The following USP25 variants were observed in gnomAD, a reference collection of about 807,000 sequenced individuals.
USP25 encodes the protein ubiquitin carboxyl-terminal hydrolase 25.
Under a neutral mutation model 158.5 loss-of-function variants are expected in USP25, and 85 were observed. The observed-to-expected ratio is 0.54, with a 90% confidence interval of 0.45 to 0.64. USP25 has a LOEUF of 0.64. Among genes scored for constraint, USP25 ranks in the 30% least tolerant of loss-of-function variants. The probability of loss-of-function intolerance (pLI) is 0.00; values close to 1 mark genes in which losing one functional copy is unlikely to be tolerated. For missense variants in USP25, 1,242 were observed against 1,327.3 expected, an observed-to-expected ratio of 0.94 and a Z score of 1.00; for synonymous variants, 464 against 460.4, an observed-to-expected ratio of 1.01 and a Z score of -0.10.
chr21:15,783,926 C>T (rs992476563), intron 4 of USP25, among the ~76,000 whole-genome samples: 1 of 151,844 alleles, frequency 6.6e-6, no homozygotes, highest in Non-Finnish European at 1.5e-5. Context: ...GCCGAGATCG[C>T]GCCACTGCAC....
chr21:15,789,590 A>G (rs1600918423), intron 4 of USP25, among the ~76,000 whole-genome samples: 3 of 152,146 alleles, frequency 2.0e-5, no homozygotes, highest in Admixed American at 6.5e-5. Flanking sequence ...CTCTTTTTAC[A>G]TATTGTCTGT....
chr21:15,862,913 T>C lies in USP25; in HGVS notation c.2548-1355T>C, dbSNP rs143164557. Among the ~76,000 whole-genome samples the C allele has an allele frequency of 3.9e-3, 589 of 152,124 alleles. 4 individuals are homozygous for C. The highest frequency in any genetic ancestry group is 6.5e-3 in the Non-Finnish European group (439 of 67,930). ...ATTTCATTTAATGTTTATCAGTTAT[T>C]TTTTCTCCCATCTGTACAATACAAC... On this transcript the variant is annotated intron_variant, in intron 20 of 25. Transcript: ENST00000400183.
In USP25 at chr21:15,846,139, TATATATATATATATA is replaced by T. The variant is rs1448557810; in HGVS notation, c.2338-1523_2338-1509del. Among the ~76,000 whole-genome samples, 31 of 57,402 alleles carry T rather than the reference TATATATATATATATA, an allele frequency of 5.4e-4. 3 individuals are homozygous for T. Among genetic ancestry groups the T allele is most frequent in the African/African-American group, 2.5e-3 (29 of 11,460 alleles). The allele number at this position is 57,402 out of a possible 152,430, so 37.7% of individuals were successfully genotyped here. On this transcript the variant is annotated intron_variant, in intron 18 of 25. Coordinates refer to ENST00000400183, the MANE Select transcript of USP25 (RefSeq NM_001283041.3). ...GTGTGTGTGTATATATATATATATA[TATATATATATATATA>T]TATATTTTTTTTTTTTTTTTTTTTT... is the stretch of plus-strand genomic sequence containing the variant.
At chr21:15,833,257 T>C (rs1460272410) in intron 16 of USP25, 91 bp from the exon 17 acceptor site, 1 of 1,228,794 alleles carries the variant, frequency 8.1e-7, no homozygotes, top group African/African-American at 1.5e-5. Flanking sequence ...AATTCATAGT[T>C]TAAATTCTAT....
At chr21:15,863,092 A>G (rs936471972) in intron 20 of USP25, among the ~76,000 whole-genome samples, 1 of 152,058 alleles carries the variant, frequency 6.6e-6, no homozygotes, top group Admixed American at 6.5e-5. Flanking sequence ...ACATATAAGT[A>G]TAATATAAAT....
chr21:15,734,595 A>G (rs1331446022), intron 1 of USP25, among the ~76,000 whole-genome samples: 2 of 152,150 alleles, frequency 1.3e-5, no homozygotes, highest in East Asian at 3.8e-4. Context: ...TTTCTTCAAT[A>G]TTATATGTAT....
chr21:15,823,988 A>C, intron 10 of USP25, 51 bp from the exon 11 acceptor site: 2 of 1,562,468 alleles, frequency 1.3e-6, no homozygotes, highest in Non-Finnish European at 1.7e-6. Flanking sequence ...ATTGCAGTGA[A>C]GAAAACAAAG....
intron 1 of USP25, among the ~76,000 whole-genome samples, chr21:15,750,858 C>T (rs955544831): frequency 4.5e-5 from 5 of 110,900 alleles, no homozygotes; most frequent in African/African-American, 7.0e-5. Context: ...CGTCTGCCTC[C>T]GCCTCCGCCT....
chr21:15,811,082 T>C, intron 8 of USP25, 55 bp from the exon 9 acceptor site: 1 of 1,455,308 alleles, frequency 6.9e-7, no homozygotes, highest in Non-Finnish European at 9.4e-7. Context: ...TAATATTTTC[T>C]CTATTTATAG....
chr21:15,745,476 T>TC (rs1402581077), intron 1 of USP25, among the ~76,000 whole-genome samples: 1 of 139,884 alleles, frequency 7.1e-6, no homozygotes, highest in Non-Finnish European at 1.5e-5. Context: ...TTCTTTTCTT[T>TC]TTTTTTTTTT....
intron 10 of USP25, among the ~76,000 whole-genome samples, chr21:15,820,457 C>T (rs956925902): frequency 7.3e-5 from 11 of 151,178 alleles, no homozygotes; most frequent in African/African-American, 2.5e-4. Flanking sequence ...TTCATCTAGC[C>T]TAGGGAATAT....
intron 4 of USP25, among the ~76,000 whole-genome samples, chr21:15,790,582 A>G (rs915073710): frequency 2.0e-5 from 3 of 151,906 alleles, no homozygotes; most frequent in African/African-American, 7.2e-5. Flanking sequence ...GGTTCTGGTA[A>G]TTAACACAAA....
intron 1 of USP25, among the ~76,000 whole-genome samples, chr21:15,756,485 C>T (rs927516948): frequency 3.3e-5 from 5 of 152,044 alleles, no homozygotes; most frequent in African/African-American, 1.2e-4. Flanking sequence ...GGCCAGTGAT[C>T]CCTTTTTTTG....
chr21:15,767,953 ATAT>A (rs1320195436), intron 3 of USP25, among the ~76,000 whole-genome samples: 1 of 152,122 alleles, frequency 6.6e-6, no homozygotes, highest in Non-Finnish European at 1.5e-5. Context: ...AATAGTGAAA[ATAT>A]TATGGAGGAC....
chr21:15,766,032 C>T lies in USP25; in HGVS notation c.159C>T (p.Phe53=). 6.2e-7 allele frequency: 1 copy of T among 1,608,162 alleles called. No individual in the cohort carries two copies. Among genetic ancestry groups the T allele is most frequent in the South Asian group, 1.1e-5 (1 of 90,426 alleles). Residue 53 remains phenylalanine, a synonymous_variant, in exon 3 of 26, where the codon TTC becomes TTT. Coordinates refer to ENST00000400183, the MANE Select transcript of USP25 (RefSeq NM_001283041.3). The surrounding 1 kb of genome is among the most constrained non-coding windows in gnomAD (Gnocchi z 4.0). ...SNGNLELAVA[F]LTAKNAKTPQ... ...GAAACTTGGAATTAGCAGTGGCTTT[C>T]CTTACTGCGAAGAATGCTAAGACCC...
chr21:15,852,292 T>A (rs2146495859), intron 20 of USP25, among the ~76,000 whole-genome samples: 1 of 152,044 alleles, frequency 6.6e-6, no homozygotes, highest in Middle Eastern at 3.4e-3. Context: ...CTTACAAGAA[T>A]AGTGGGAATG....
chr21:15,846,156 ATATTTT>A (rs2038600696), intron 18 of USP25, among the ~76,000 whole-genome samples: 3 of 18,550 alleles, frequency 1.6e-4, no homozygotes, highest in African/African-American at 2.7e-4. Context: ...ATATATATAT[ATATTTT>A]TTTTTTTTTT....
intron 20 of USP25, among the ~76,000 whole-genome samples, chr21:15,858,553 T>A (rs1447317333): frequency 6.6e-6 from 1 of 152,002 alleles, no homozygotes; most frequent in Non-Finnish European, 1.5e-5. Flanking sequence ...TTGAACTCTT[T>A]GTTTTCTAAT....
rs1333336331 is a variant in USP25 at position 15,745,578 on chromosome 21, C to T, written c.45+15140C>T. ...CAGCCTCCGCCTCCCTGGGTTCAAG[C>T]GATTCTTCTGCCTCAGCCTCCTGAG... On this transcript the variant is annotated intron_variant, in intron 1 of 25. Coordinates refer to ENST00000400183, the MANE Select transcript of USP25 (RefSeq NM_001283041.3). 6.0e-5 allele frequency among the ~76,000 whole-genome samples: 9 copies of T among 149,564 alleles called. No individual in the cohort carries two copies. The South Asian group carries it at 1.5e-3, about 24-fold the overall frequency.
Sources: gnomAD v4.1 joint callset for allele counts (sites outside exome capture counted in the v4.1 genomes callset) on GRCh38, gnomAD v4.1.1 for gene constraint, Gnocchi (gnomAD v3.1) non-coding constraint, MANE v1.5 for transcripts, NCBI Gene and HGNC (gene_info 2026-07-23, HGNC 2026-07-21) for gene names.